Variants in RPS6KC1 observed in about 807,000 individuals in gnomAD.
RPS6KC1 encodes the protein ribosomal protein S6 kinase C1.
A neutral mutation model predicts 103.8 loss-of-function variants in RPS6KC1; 54 were observed. The observed-to-expected ratio is 0.52, with a 90% CI of 0.42 to 0.65. The LOEUF is 0.65. Ranked by LOEUF, RPS6KC1 falls within the 30% of genes least tolerant of loss-of-function variation. The probability of loss-of-function intolerance (pLI) is 0.00; values close to 1 mark genes in which losing one functional copy is unlikely to be tolerated. For missense variants in RPS6KC1, 1,151 were observed against 1,253.8 expected, an observed-to-expected ratio of 0.92 and a Z score of 1.24; for synonymous variants, 439 against 438.7, an observed-to-expected ratio of 1.00 and a Z score of -0.01.
chr1:213,433,801 G>T, the RPS6KC1 span, among the ~76,000 whole-genome samples: 60 of 152,198 alleles, frequency 3.9e-4, 1 homozygote, highest in African/African-American at 1.4e-3. Context: ...ATTATTGTTT[G>T]GTTACTATTA....
chr1:213,167,484 ACACAC>A (rs1347489659), intron 6 of RPS6KC1, among the ~76,000 whole-genome samples: 3,355 of 138,802 alleles, frequency 0.024, 135 homozygotes, highest in African/African-American at 0.09. Context: ...ACACACACAC[ACACAC>A]AACAGCTGTT....
chr1:213,670,377 G>A, the RPS6KC1 span, among the ~76,000 whole-genome samples: 1 of 152,288 alleles, frequency 6.6e-6, no homozygotes, highest in East Asian at 1.9e-4. Context: ...CTGTTTTGCT[G>A]GAAGAATGAG....
intron 4 of RPS6KC1, among the ~76,000 whole-genome samples, chr1:213,107,669 T>C (rs1223612162): frequency 1.3e-5 from 2 of 152,236 alleles, no homozygotes; most frequent in Non-Finnish European, 2.9e-5. Context: ...GGGTGATTCC[T>C]GAGGAGAGGA....
chr1:213,445,674 A>G, the RPS6KC1 span, among the ~76,000 whole-genome samples: 1 of 152,182 alleles, frequency 6.6e-6, no homozygotes, highest in African/African-American at 2.4e-5. Context: ...TGGGAAAACA[A>G]AACACAACAA....
chr1:213,636,027 A>G, the RPS6KC1 span, among the ~76,000 whole-genome samples: 1 of 152,226 alleles, frequency 6.6e-6, no homozygotes, highest in Non-Finnish European at 1.5e-5. Context: ...AATTGCTACA[A>G]AGAGAATAAA....
the RPS6KC1 span, among the ~76,000 whole-genome samples, chr1:213,527,909 AAAG>A: frequency 6.6e-6 from 1 of 152,206 alleles, no homozygotes; most frequent in African/African-American, 2.4e-5. Context: ...AAGCTAAAGA[AAAG>A]AAAATGTTAA....
the RPS6KC1 span, among the ~76,000 whole-genome samples, chr1:213,542,592 C>T: frequency 6.6e-6 from 1 of 152,126 alleles, no homozygotes; most frequent in South Asian, 2.1e-4. Flanking sequence ...TCATGAGCTA[C>T]AGAGATGATG....
At chr1:213,174,689 AAAAGAGGTTATTGCTATT>A (rs2091745677) in intron 7 of RPS6KC1, among the ~76,000 whole-genome samples, 2 of 151,446 alleles carry the variant, frequency 1.3e-5, no homozygotes, top group Admixed American at 1.3e-4. Context: ...AAAAAAAAAA[AAAAGAGGTTATTGCTATT>A]ACATGTCTGT....
chr1:213,475,820 G>A, the RPS6KC1 span, among the ~76,000 whole-genome samples: 1 of 152,164 alleles, frequency 6.6e-6, no homozygotes, highest in Non-Finnish European at 1.5e-5. Context: ...GAAAAGAGAT[G>A]GTGGGGCCTC....
the RPS6KC1 span, among the ~76,000 whole-genome samples, chr1:213,366,534 C>G: frequency 6.6e-6 from 1 of 152,258 alleles, no homozygotes; most frequent in African/African-American, 2.4e-5. Context: ...CAGTCTCCAT[C>G]ATTCCTGTTC....
At chr1:213,741,233 A>C in the RPS6KC1 span, among the ~76,000 whole-genome samples, 1 of 151,852 alleles carries the variant, frequency 6.6e-6, no homozygotes, top group Non-Finnish European at 1.5e-5. Flanking sequence ...CACTTCACAT[A>C]CTTATTTTTT....
the RPS6KC1 span, among the ~76,000 whole-genome samples, chr1:213,305,595 T>A: frequency 6.6e-6 from 1 of 152,184 alleles, no homozygotes; most frequent in African/African-American, 2.4e-5. Context: ...ATGGTGCCCA[T>A]GGCTGGGCAG....
chr1:213,141,818 C>T (rs569948828), intron 6 of RPS6KC1, among the ~76,000 whole-genome samples: 237 of 151,208 alleles, frequency 1.6e-3, no homozygotes, highest in African/African-American at 5.6e-3. Flanking sequence ...TCTAGTATGT[C>T]GTATCTTTTT....
chr1:213,359,859 T>C, the RPS6KC1 span, among the ~76,000 whole-genome samples: 1 of 152,344 alleles, frequency 6.6e-6, no homozygotes, highest in African/African-American at 2.4e-5. Flanking sequence ...GAAAATTCTT[T>C]CCTTTAAGAA....
At chr1:213,824,872 A>G in the RPS6KC1 span, among the ~76,000 whole-genome samples, 1 of 152,206 alleles carries the variant, frequency 6.6e-6, no homozygotes, top group Non-Finnish European at 1.5e-5. Context: ...ATGAACTAAT[A>G]CATGCATTGA....
the RPS6KC1 span, among the ~76,000 whole-genome samples, chr1:213,835,432 T>C: frequency 2.0e-5 from 3 of 152,156 alleles, no homozygotes; most frequent in Non-Finnish European, 2.9e-5. Context: ...ACTCCCCTAA[T>C]GGCTACGCTG....
At chr1:213,548,425 G>A in the RPS6KC1 span, among the ~76,000 whole-genome samples, 1 of 152,202 alleles carries the variant, frequency 6.6e-6, no homozygotes, top group African/African-American at 2.4e-5. Flanking sequence ...CACTTTGGGA[G>A]GCGAAGGCAG....
At chr1:213,546,149 C>T in the RPS6KC1 span, 2 of 152,152 alleles carry the variant, frequency 1.3e-5, no homozygotes, top group East Asian at 1.9e-4. Flanking sequence ...ATATACTGTT[C>T]TTTGGGTAGT....
chr1:213,098,834 A>G (rs868713028), intron 3 of RPS6KC1, among the ~76,000 whole-genome samples: 15 of 152,342 alleles, frequency 9.8e-5, no homozygotes, highest in African/African-American at 3.6e-4. Flanking sequence ...TGTTGCCACA[A>G]ATCTTCAATT....
Sources: gnomAD v4.1 joint callset for allele counts (sites outside exome capture counted in the v4.1 genomes callset) on GRCh38, gnomAD v4.1.1 for gene constraint, MANE v1.5 for transcripts, NCBI Gene and HGNC (gene_info 2026-07-23, HGNC 2026-07-21) for gene names.